Variants in RERG observed in about 807,000 individuals in gnomAD.
The protein encoded by RERG is RAS like estrogen regulated growth inhibitor, also known as ras-related and estrogen-regulated growth inhibitor.
A neutral mutation model predicts 23.2 loss-of-function variants in RERG; 25 were observed. That is an observed-to-expected ratio of 1.08 (90% CI 0.79 to 1.50). The LOEUF is 1.50. Among genes scored for constraint, RERG ranks in the 40% most tolerant of loss-of-function variants. The probability of loss-of-function intolerance (pLI) is 0.00; values close to 1 mark genes in which losing one functional copy is unlikely to be tolerated. For synonymous variants in RERG, 81 were observed against 89.1 expected (o/e 0.91, Z 0.51); for missense variants, 253 against 250.1 (o/e 1.01, Z -0.08).
Position 15,160,393 on chromosome 12 carries a change from T to A in RERG, c.62-39274A>T, listed in dbSNP as rs542445600. On this transcript the variant is annotated intron_variant, in intron 2 of 4. Transcript: ENST00000256953. ...ATCTCAGGTGCCGCTGAAACATGGC[T>A]TTTTAGAAAACTTTTGTTAAGGGCT... is the stretch of plus-strand genomic sequence containing the variant. 7.9e-5 allele frequency among the ~76,000 whole-genome samples: 12 copies of A among 152,264 alleles called. No individual in the cohort carries two copies. In the South Asian group the frequency reaches 2.1e-3, roughly 26 times the overall value.
At chr12:15,180,544 C>T (rs1591660432) in intron 2 of RERG, among the ~76,000 whole-genome samples, 1 of 152,178 alleles carries the variant, frequency 6.6e-6, no homozygotes, top group Non-Finnish European at 1.5e-5. Context: ...CAAGAATGAT[C>T]AAAAGCAAAA....
At chr12:15,126,466 C>A (rs932579409) in intron 2 of RERG, among the ~76,000 whole-genome samples, 1 of 151,840 alleles carries the variant, frequency 6.6e-6, no homozygotes, top group Admixed American at 6.6e-5. Flanking sequence ...ATTTACTTGA[C>A]TGTACATTTC....
rs2287165 is a variant in RERG, at chr12:15,109,761, T to C, written c.193-244A>G. Reference sequence around the variant, plus strand: ...ATAGATTTTAAATTTCTGCTTTTAATTTTTTTCTTGCCATATCATTAAATC... The same window carrying C: ...ATAGATTTTAAATTTCTGCTTTTAACTTTTTTCTTGCCATATCATTAAATC... On this transcript the variant is annotated intron_variant, in intron 4 of 4. Coordinates refer to ENST00000256953, the MANE Select transcript of RERG (RefSeq NM_032918.3). Among the ~76,000 whole-genome samples the C allele has an allele frequency of 8.5e-5, 13 of 152,248 alleles. 1 individual carries two copies. The East Asian group carries it at 2.5e-3, about 29-fold the overall frequency.
chr12:15,193,165 A>G (rs1282159094), intron 2 of RERG, among the ~76,000 whole-genome samples: 1 of 152,110 alleles, frequency 6.6e-6, no homozygotes, highest in East Asian at 1.9e-4. Context: ...TATTCCACTC[A>G]TGCATTCTAT....
intron 2 of RERG, among the ~76,000 whole-genome samples, chr12:15,206,572 T>C (rs1431320772): frequency 1.3e-5 from 2 of 152,154 alleles, no homozygotes. Flanking sequence ...ACAAATTCTC[T>C]GGCTTCGGTG....
chr12:15,114,394 A>C (rs987070262), intron 3 of RERG: 1 of 152,198 alleles, frequency 6.6e-6, no homozygotes, highest in Non-Finnish European at 1.5e-5. Flanking sequence ...AATTAAAAAG[A>C]TAAGTGAACA....
rs915415632 is a variant in RERG, at chr12:15,123,032, C to T, written c.62-1913G>A. 4.6e-5 allele frequency among the ~76,000 whole-genome samples: 7 copies of T among 152,142 alleles called. No homozygotes were observed. The East Asian group carries it at 1.4e-3, about 29-fold the overall frequency. On this transcript the variant is annotated intron_variant, in intron 2 of 4. Coordinates refer to ENST00000256953, the MANE Select transcript of RERG (RefSeq NM_032918.3). ...CAGGGTGGTCTCAATCTCCTGACCT[C>T]GTGATCTGCCCACCTCGGCCTCCCA...
intron 2 of RERG, among the ~76,000 whole-genome samples, chr12:15,156,401 C>T (rs551391556): frequency 6.6e-6 from 1 of 152,290 alleles, no homozygotes; most frequent in African/African-American, 2.4e-5. Context: ...AAGAACCCTG[C>T]CATACAGGCT....
intron 2 of RERG, among the ~76,000 whole-genome samples, chr12:15,159,692 C>CG (rs2136112296): frequency 6.6e-6 from 1 of 152,188 alleles, no homozygotes; most frequent in East Asian, 1.9e-4. Flanking sequence ...GGCGTGGTGG[C>CG]GGGCGCCTGT....
Position 15,172,000 on chromosome 12 carries a change from C to T in RERG, c.61+45429G>A, listed in dbSNP as rs528495476. ...TATTAAAGAGATAATTAACATATCA[C>T]AAAACTCAGCCATTTAAGTGTACAA... On this transcript the variant is annotated intron_variant, in intron 2 of 4. Transcript: ENST00000256953. Among the ~76,000 whole-genome samples, 2 of 152,254 alleles carry T rather than the reference C, an allele frequency of 1.3e-5. 1 individual carries two copies. The highest frequency in any genetic ancestry group is 4.8e-5 in the African/African-American group (2 of 41,542).
At chr12:15,202,785 C>T (rs1374272872) in intron 2 of RERG, among the ~76,000 whole-genome samples, 1 of 151,520 alleles carries the variant, frequency 6.6e-6, no homozygotes, top group Non-Finnish European at 1.5e-5. Flanking sequence ...TCTTTGAGAC[C>T]CTGATTTCAT....
chr12:15,152,110 G>C (rs531178042), intron 2 of RERG: 1 of 152,290 alleles, frequency 6.6e-6, no homozygotes, highest in East Asian at 1.9e-4. Context: ...TACCATTGCT[G>C]TTCAGTGAAG....
chr12:15,152,628 C>A (rs770863301), intron 2 of RERG, among the ~76,000 whole-genome samples: 12 of 152,114 alleles, frequency 7.9e-5, no homozygotes, highest in Non-Finnish European at 1.5e-4. Context: ...ACAAGGATAA[C>A]TTGAATTGAG....
chr12:15,111,697 T>C (rs929806344), intron 3 of RERG, among the ~76,000 whole-genome samples: 1 of 151,678 alleles, frequency 6.6e-6, no homozygotes, highest in East Asian at 1.9e-4. Flanking sequence ...TTTTTTTTTT[T>C]TTTTTTGACA....
intron 2 of RERG, among the ~76,000 whole-genome samples, chr12:15,131,679 G>A (rs546188367): frequency 3.9e-5 from 6 of 152,144 alleles, no homozygotes; most frequent in African/African-American, 1.4e-4. Context: ...CATAAACCTC[G>A]CTGGATGACC....
intron 2 of RERG, among the ~76,000 whole-genome samples, chr12:15,126,576 C>T (rs1000342476): frequency 6.6e-6 from 1 of 151,966 alleles, no homozygotes; most frequent in African/African-American, 2.4e-5. Context: ...TTTAGCATAG[C>T]GCCCTTAAAA....
chr12:15,178,771 GGA>G (rs1386592025), intron 2 of RERG, among the ~76,000 whole-genome samples: 3 of 152,086 alleles, frequency 2.0e-5, no homozygotes, highest in African/African-American at 7.2e-5. Flanking sequence ...CAATGTATGT[GGA>G]GATTCAATAA....
chr12:15,113,142 G>A (rs1863654244), intron 3 of RERG, among the ~76,000 whole-genome samples: 1 of 152,118 alleles, frequency 6.6e-6, no homozygotes, highest in Admixed American at 6.6e-5. Flanking sequence ...GGGTGAAGAT[G>A]GGGGAAAAGG....
intron 2 of RERG, among the ~76,000 whole-genome samples, chr12:15,161,667 G>A (rs541133649): frequency 6.6e-6 from 1 of 152,268 alleles, no homozygotes; most frequent in Admixed American, 6.5e-5. Context: ...TATGTTAGGA[G>A]CCTGGACTTG....
Sources: gnomAD v4.1 joint callset for allele counts (sites outside exome capture counted in the v4.1 genomes callset) on GRCh38, gnomAD v4.1.1 for gene constraint, MANE v1.5 for transcripts, NCBI Gene and HGNC (gene_info 2026-07-23, HGNC 2026-07-21) for gene names.